Variants in RASSF8 observed in about 807,000 individuals in gnomAD.
RASSF8 encodes ras association domain-containing protein 8.
RASSF8 carries 22 observed loss-of-function variants against 48.5 expected under a neutral mutation model. The ratio of observed to expected loss-of-function variants is 0.45; its 90% CI spans 0.32 to 0.65. RASSF8 has a LOEUF of 0.65. Among genes scored for constraint, RASSF8 ranks in the 30% least tolerant of loss-of-function variants. RASSF8 has a pLI of 0.03. For missense variants in RASSF8, 418 were observed against 489.2 expected, an observed-to-expected ratio of 0.85 and a Z score of 1.37; for synonymous variants, 127 against 171.5, an observed-to-expected ratio of 0.74 and a Z score of 2.03.
At chr12:26,032,548 G>A (rs1043915387) in intron 2 of RASSF8, among the ~76,000 whole-genome samples, 1 of 152,108 alleles carries the variant, frequency 6.6e-6, no homozygotes, top group Non-Finnish European at 1.5e-5. Flanking sequence ...TTTTGAAATT[G>A]CTACATTAGC....
chr12:26,068,336 G>A (rs11048398), intron 5 of RASSF8, among the ~76,000 whole-genome samples: 10,242 of 151,780 alleles, frequency 0.067, 400 homozygotes, highest in Middle Eastern at 0.12. Context: ...TTGAATTTTG[G>A]CTTCTCTGTT....
intron 3 of RASSF8, among the ~76,000 whole-genome samples, chr12:26,057,684 A>T (rs1422685634): frequency 6.6e-6 from 1 of 152,174 alleles, no homozygotes; most frequent in Non-Finnish European, 1.5e-5. Context: ...CTAGTTCTAG[A>T]TCCTTGAGGA....
chr12:26,008,635 A>G (rs778765354), intron 2 of RASSF8, among the ~76,000 whole-genome samples: 46 of 152,180 alleles, frequency 3.0e-4, no homozygotes, highest in Non-Finnish European at 6.3e-4. Flanking sequence ...TTAATAACAG[A>G]GTAATTTCTT....
At chr12:26,044,107 C>T (rs1943322782) in intron 2 of RASSF8, among the ~76,000 whole-genome samples, 1 of 152,200 alleles carries the variant, frequency 6.6e-6, no homozygotes, top group Non-Finnish European at 1.5e-5. Flanking sequence ...TATTCCCAGT[C>T]CTCTTCTATC....
At chr12:26,053,777 A>G (rs754339081) in intron 2 of RASSF8, among the ~76,000 whole-genome samples, 2 of 152,218 alleles carry the variant, frequency 1.3e-5, no homozygotes, top group Non-Finnish European at 2.9e-5. Flanking sequence ...TCATATGCAG[A>G]GAGCTAAAGC....
downstream of RASSF8, among the ~76,000 whole-genome samples, chr12:26,074,492 G>A (rs879703588): frequency 5.3e-5 from 8 of 151,214 alleles, no homozygotes; most frequent in Non-Finnish European, 8.8e-5. Context: ...ACAGGCGTCC[G>A]CCACCATGCC....
At chr12:26,010,482 A>G (rs896842186) in intron 2 of RASSF8, among the ~76,000 whole-genome samples, 9 of 152,244 alleles carry the variant, frequency 5.9e-5, no homozygotes, top group East Asian at 5.8e-4. Context: ...GAACTCCCAT[A>G]TATTTGTGCC....
chr12:26,071,295 C>T lies in RASSF8; in HGVS notation c.*2477C>T, dbSNP rs1943994494. 1.0e-6 allele frequency: 1 copy of T among 983,248 alleles called. No individual in the cohort carries two copies. The highest frequency in any genetic ancestry group is 1.7e-5 in the African/African-American group (1 of 57,232). 60.9% of individuals were successfully genotyped at this position (983,248 alleles called of 1,614,324 possible). On this transcript the variant is annotated 3_prime_UTR_variant, in exon 6 of 6. Transcript: ENST00000689635. ...TTAGATAAGTGCCACATCCTGGATA[C>T]ATTTCGGAGGGGTAGTGGGCAATGG...
Position 26,019,679 on chromosome 12 carries a change from AG to A in RASSF8, c.-109+24550del, listed in dbSNP as rs1343185939. Among the ~76,000 whole-genome samples the A allele has an allele frequency of 3.3e-5, 5 of 152,100 alleles. No homozygotes were observed. In the East Asian group the frequency reaches 9.6e-4, roughly 29 times the overall value. Reference sequence around the variant, plus strand: ...ATTTAAAAGGATTCCTGGTTGTAGAAGATTTATCACTTTGCAGAAGGGTACC... The same window carrying A: ...ATTTAAAAGGATTCCTGGTTGTAGAAATTTATCACTTTGCAGAAGGGTACC... On this transcript the variant is annotated intron_variant, in intron 2 of 5. Transcript: ENST00000689635.
chr12:25,986,882 A>AT (rs1223353225), intron 1 of RASSF8, among the ~76,000 whole-genome samples: 3 of 148,806 alleles, frequency 2.0e-5, no homozygotes, highest in Non-Finnish European at 4.5e-5. Flanking sequence ...TATTGCTACC[A>AT]TTTTTTTTGT....
At chr12:26,019,272 A>G (rs916792995) in intron 2 of RASSF8, among the ~76,000 whole-genome samples, 4 of 152,318 alleles carry the variant, frequency 2.6e-5, no homozygotes, top group South Asian at 4.1e-4. Flanking sequence ...TAAAGACCAT[A>G]TGACTATAAA....
At chr12:25,997,330 A>G (rs1942156507) in intron 2 of RASSF8, among the ~76,000 whole-genome samples, 1 of 152,202 alleles carries the variant, frequency 6.6e-6, no homozygotes, top group Non-Finnish European at 1.5e-5. Flanking sequence ...TAGTTCTATA[A>G]TAGTTCAAAA....
In RASSF8 at chr12:26,070,846, G is replaced by T; in HGVS notation, c.*2028G>T. ...CTTTGCAATTAGGAGTTTCAGAGAT[G>T]CCTTGGCATACCACGAAAAACACTG... On this transcript the variant is annotated 3_prime_UTR_variant, in exon 6 of 6. Transcript: ENST00000689635. The T allele has an allele frequency of 4.1e-6, 4 of 983,684 alleles. No homozygotes were observed. Among genetic ancestry groups the T allele is most frequent in the Non-Finnish European group, 4.8e-6 (4 of 828,406 alleles). The allele number at this position is 983,684 out of a possible 1,614,324, so 60.9% of individuals were successfully genotyped here.
At chr12:26,004,024 A>G (rs879646298) in intron 2 of RASSF8, among the ~76,000 whole-genome samples, 9 of 152,028 alleles carry the variant, frequency 5.9e-5, no homozygotes, top group Admixed American at 2.0e-4. Flanking sequence ...AAAAAATACA[A>G]AAATTAGACA....
downstream of RASSF8, among the ~76,000 whole-genome samples, chr12:26,075,078 G>A (rs1470087897): frequency 2.0e-5 from 3 of 152,204 alleles, no homozygotes; most frequent in South Asian, 6.2e-4. Flanking sequence ...CAGAGGTGAT[G>A]GTAACTCAAA....
chr12:25,968,468 G>A (rs1261816105), intron 1 of RASSF8, among the ~76,000 whole-genome samples: 1 of 151,882 alleles, frequency 6.6e-6, no homozygotes, highest in Non-Finnish European at 1.5e-5. Flanking sequence ...TCAGCCTCCC[G>A]AGTAGCTGGG....
chr12:26,035,541 TTA>T (rs1012648186), intron 2 of RASSF8, among the ~76,000 whole-genome samples: 33 of 143,710 alleles, frequency 2.3e-4, no homozygotes, highest in African/African-American at 6.6e-4. Flanking sequence ...TATATAAAAA[TTA>T]TATATAGTGT....
At chr12:25,995,819 A>T (rs1362963529) in intron 2 of RASSF8, among the ~76,000 whole-genome samples, 1 of 152,212 alleles carries the variant, frequency 6.6e-6, no homozygotes, top group Non-Finnish European at 1.5e-5. Flanking sequence ...TAAATCACTT[A>T]TGAATAAATT....
intron 2 of RASSF8, among the ~76,000 whole-genome samples, chr12:26,020,682 AG>A (rs200914121): frequency 1.1e-4 from 16 of 152,336 alleles, no homozygotes; most frequent in East Asian, 5.8e-4. Context: ...TTTAAAAAAA[AG>A]ACTACCATTT....
Sources: allele counts gnomAD v4.1 joint callset (sites outside exome capture counted in the v4.1 genomes callset), GRCh38; gene constraint gnomAD v4.1.1; transcripts MANE v1.5; gene names NCBI Gene and HGNC (gene_info 2026-07-23, HGNC 2026-07-21).